The following CAMK2B variants were observed in gnomAD, a reference collection of about 807,000 sequenced individuals.
The protein encoded by CAMK2B is calcium/calmodulin-dependent protein kinase type II subunit beta.
In CAMK2B, 27 loss-of-function variants were observed where a neutral mutation model predicts 93.7. The observed-to-expected ratio is 0.29, with a 90% CI of 0.21 to 0.40. CAMK2B has a LOEUF of 0.40. CAMK2B is among the 10% of genes least tolerant of loss of function. The pLI is 1.00. For synonymous variants in CAMK2B, 374 were observed against 358.8 expected, an observed-to-expected ratio of 1.04 and a Z score of -0.48; for missense variants, 568 against 895.8, an observed-to-expected ratio of 0.63 and a Z score of 4.67.
At chr7:44,253,968 C>T (rs911581628) in intron 5 of CAMK2B, among the ~76,000 whole-genome samples, 6 of 150,664 alleles carry the variant, frequency 4.0e-5, no homozygotes, top group African/African-American at 1.2e-4. Flanking sequence ...GCCCAGTGGG[C>T]AGGGAGTAAT....
chr7:44,234,546 G>C (rs1248262114), intron 14 of CAMK2B, 85 bp from the exon 15 acceptor site: 5 of 1,588,994 alleles, frequency 3.1e-6, no homozygotes, highest in Non-Finnish European at 4.3e-6. Flanking sequence ...GGGCATGGGG[G>C]GAGGGGGACT....
At chr7:44,254,031 AGGTGTCAG>A (rs2096807760) in intron 5 of CAMK2B, among the ~76,000 whole-genome samples, 1 of 151,892 alleles carries the variant, frequency 6.6e-6, no homozygotes, top group South Asian at 2.1e-4. Context: ...CATCCTTGTC[AGGTGTCAG>A]GGTGGCATCT....
chr7:44,280,992 G>T (rs1164729174), intron 2 of CAMK2B, among the ~76,000 whole-genome samples: 2 of 152,230 alleles, frequency 1.3e-5, no homozygotes, highest in Non-Finnish European at 2.9e-5. Flanking sequence ...TCCTGGCTTA[G>T]GGACCCCACC....
At chr7:44,239,180 GT>G (rs1276760323) in intron 13 of CAMK2B, among the ~76,000 whole-genome samples, 10 of 152,208 alleles carry the variant, frequency 6.6e-5, no homozygotes, top group Admixed American at 3.3e-4. Flanking sequence ...GGCAGGGTGT[GT>G]GTCTGCCCCA....
intron 22 of CAMK2B, 68 bp from the exon 23 acceptor site, chr7:44,220,362 A>C (rs1049149125): frequency 1.3e-5 from 16 of 1,247,960 alleles, no homozygotes; most frequent in Non-Finnish European, 1.7e-5. Flanking sequence ...CTTCCACCCC[A>C]CCAGCCTAAT....
chr7:44,235,433 T>G (rs2096616612), intron 13 of CAMK2B, among the ~76,000 whole-genome samples: 1 of 152,226 alleles, frequency 6.6e-6, no homozygotes, highest in African/African-American at 2.4e-5. Context: ...CAGAGGGGCC[T>G]GGCCCCAGCC....
intron 16 of CAMK2B, among the ~76,000 whole-genome samples, chr7:44,231,429 C>A (rs2096578685): frequency 6.6e-6 from 1 of 152,226 alleles, no homozygotes; most frequent in Admixed American, 6.5e-5. Flanking sequence ...CATGAGGGCT[C>A]CACTTCTCCC....
chr7:44,263,644 C>A (rs1044597507), intron 2 of CAMK2B, among the ~76,000 whole-genome samples: 1 of 152,098 alleles, frequency 6.6e-6, no homozygotes, highest in African/African-American at 2.4e-5. Flanking sequence ...ACACCGGAGG[C>A]GTGGAGGTGA....
rs970150624 is a variant in CAMK2B at position 44,282,289 on chromosome 7, C to T, written c.160+1842G>A. On this transcript the variant is annotated intron_variant, in intron 2 of 23. Coordinates refer to ENST00000395749, the MANE Select transcript of CAMK2B (RefSeq NM_001220.5). ...CTAGGTCCTGGAACACAGCCTGGCC[C>T]ACCCACCCCACCACGGGCTGGGCCC... Among the ~76,000 whole-genome samples the T allele has an allele frequency of 4.7e-4, 72 of 152,282 alleles. 1 individual carries two copies. The highest frequency in any genetic ancestry group is 1.7e-3 in the African/African-American group (69 of 41,550).
In CAMK2B at chr7:44,222,442, CT is replaced by C. The variant is rs112404640; in HGVS notation, c.1598-1542del. Among the ~76,000 whole-genome samples the C allele has an allele frequency of 2.7e-3, 394 of 144,706 alleles. 1 individual carries two copies. The highest frequency in any genetic ancestry group is 7.1e-3 in the Middle Eastern group (2 of 280). The allele number at this position is 144,706 out of a possible 152,430, so 94.9% of individuals were successfully genotyped here. A position where few individuals can be genotyped will look rare whatever the true frequency, so the allele number is the denominator to read the frequency against. ...GTCTAAATTCCCAGAGGAGGGAATT[CT>C]TTTTTTTTTTTAGATGGAGTCTCAC... On this transcript the variant is annotated intron_variant, in intron 20 of 23. Coordinates refer to ENST00000395749, the MANE Select transcript of CAMK2B (RefSeq NM_001220.5).
At chr7:44,261,652 A>C (rs2096880175) in intron 3 of CAMK2B, among the ~76,000 whole-genome samples, 1 of 152,226 alleles carries the variant, frequency 6.6e-6, no homozygotes, top group South Asian at 2.1e-4. Flanking sequence ...ACTTTAAAAA[A>C]AAACATTTTT....
At chr7:44,243,653 C>T in intron 6 of CAMK2B, 126 bp from the exon 7 acceptor site, 1 of 716,682 alleles carries the variant, frequency 1.4e-6, no homozygotes, top group Non-Finnish European at 2.4e-6. Context: ...CAGGTCTGAG[C>T]CCTGCCCCAT....
intron 15 of CAMK2B, among the ~76,000 whole-genome samples, chr7:44,233,714 G>T (rs867850198): frequency 6.6e-6 from 1 of 152,192 alleles, no homozygotes; most frequent in Non-Finnish European, 1.5e-5. Flanking sequence ...AGGGCAAGGG[G>T]CACTGAGGGG....
chr7:44,243,225 C>CACCA lies in CAMK2B; in HGVS notation c.601+24_601+25insTGGT. 7 of 1,586,050 alleles carry CACCA rather than the reference C, an allele frequency of 4.4e-6. No individual in the cohort carries two copies. The Admixed American group carries it at 1.2e-4, about 26-fold the overall frequency. ...TCCTGAAACACCCGAGGCCCTGCCC[C>CACCA]GCACCAACTCAGGCCAGGCCTCACC... On this transcript the variant is annotated intron_variant, in intron 8 of 23. Transcript: ENST00000395749.
At chr7:44,310,556 A>G (rs982475729) in intron 1 of CAMK2B, among the ~76,000 whole-genome samples, 1 of 152,256 alleles carries the variant, frequency 6.6e-6, no homozygotes, top group African/African-American at 2.4e-5. Flanking sequence ...CACAACAGCC[A>G]AGAGGCAGGA....
intron 6 of CAMK2B, chr7:44,245,149 T>A: frequency 2.7e-6 from 1 of 363,814 alleles, no homozygotes; most frequent in Non-Finnish European, 5.5e-6. Context: ...GAGCGTTAAG[T>A]GAACATGGAC....
intron 20 of CAMK2B, among the ~76,000 whole-genome samples, chr7:44,222,832 A>G (rs554948704): frequency 2.7e-3 from 2 of 742 alleles, no homozygotes; most frequent in African/African-American, 0.012. Flanking sequence ...CAGGGAGCCC[A>G]CCTGGCAGGT....
intron 6 of CAMK2B, among the ~76,000 whole-genome samples, chr7:44,245,338 C>T (rs2096719915): frequency 1.3e-5 from 2 of 152,186 alleles, no homozygotes; most frequent in African/African-American, 4.8e-5. Context: ...AACCCCACTA[C>T]TCTGCTGCTT....
chr7:44,305,006 T>G lies in CAMK2B; in HGVS notation c.65+20351A>C, dbSNP rs913914672. Among the ~76,000 whole-genome samples, 56 of 150,550 alleles carry G rather than the reference T, an allele frequency of 3.7e-4. 1 individual carries two copies. Among genetic ancestry groups the G allele is most frequent in the Non-Finnish European group, 7.4e-5 (5 of 68,022 alleles). On this transcript the variant is annotated intron_variant, in intron 1 of 23. Coordinates refer to ENST00000395749, the MANE Select transcript of CAMK2B (RefSeq NM_001220.5). ...TTTTAAAACCATAGGCAGAAAAGCA[T>G]GTATCACAAGGAAAATGCCTATATA...
Sources: gnomAD v4.1 joint callset for allele counts (sites outside exome capture counted in the v4.1 genomes callset) on GRCh38, gnomAD v4.1.1 for gene constraint, MANE v1.5 for transcripts, NCBI Gene and HGNC (gene_info 2026-07-23, HGNC 2026-07-21) for gene names.